Variants in SNX16 observed in about 807,000 individuals in gnomAD.
SNX16 encodes the protein sorting nexin-16.
SNX16 carries 35 observed loss-of-function variants against 36.7 expected under a neutral mutation model. The observed-to-expected ratio is 0.95, with a 90% confidence interval of 0.73 to 1.27. The LOEUF (loss-of-function observed/expected upper bound fraction) is 1.27, where lower values mean the gene tolerates loss of function less well. SNX16 is among the 50% of genes most tolerant of loss of function. The pLI, the probability that SNX16 is intolerant of heterozygous loss-of-function variation, is 0.00. For synonymous variants in SNX16, 134 were observed against 132.0 expected, an observed-to-expected ratio of 1.02 and a Z score of -0.10; for missense variants, 367 against 393.6, an observed-to-expected ratio of 0.93 and a Z score of 0.57.
intron 4 of SNX16, among the ~76,000 whole-genome samples, chr8:81,823,445 A>T (rs1810867263): frequency 6.6e-6 from 1 of 152,108 alleles, no homozygotes; most frequent in Non-Finnish European, 1.5e-5. Context: ...ACAATTACAT[A>T]GTATCATATT....
At chr8:81,806,846 T>G in intron 5 of SNX16, among the ~76,000 whole-genome samples, 1 of 152,082 alleles carries the variant, frequency 6.6e-6, no homozygotes, top group Middle Eastern at 3.4e-3. Context: ...ATAAAACTAG[T>G]AACTTAGAAT....
chr8:81,841,533 A>G (rs1811774026), intron 1 of SNX16, among the ~76,000 whole-genome samples: 1 of 151,680 alleles, frequency 6.6e-6, no homozygotes, highest in Non-Finnish European at 1.5e-5. Context: ...TTGCCACTCT[A>G]CTACCTGAGG....
In SNX16 at chr8:81,840,002, C is replaced by G; in HGVS notation, c.-16G>C. On this transcript the variant is annotated 5_prime_UTR_variant, in exon 2 of 8. Coordinates refer to ENST00000345957, the MANE Select transcript of SNX16 (RefSeq NM_152836.3). ...GAGTTGCCATCTTCTTTTGGCTTTT[C>G]CAACAAGCTTGCACACTGTTGAGTC... 1.3e-6 allele frequency: 2 copies of G among 1,577,578 alleles called. No individual in the cohort carries two copies. The highest frequency in any genetic ancestry group is 1.7e-6 in the Non-Finnish European group (2 of 1,164,010).
chr8:81,806,017 C>G (rs1470779595), intron 5 of SNX16, among the ~76,000 whole-genome samples: 1 of 152,074 alleles, frequency 6.6e-6, no homozygotes, highest in Non-Finnish European at 1.5e-5. Context: ...CCCAAATAAT[C>G]TGAATAAACT....
At chr8:81,834,108 G>C (rs968892278) in intron 2 of SNX16, among the ~76,000 whole-genome samples, 2 of 152,198 alleles carry the variant, frequency 1.3e-5, no homozygotes, top group African/African-American at 4.8e-5. Context: ...TGGACTTACA[G>C]TTCCATGTGG....
chr8:81,808,309 A>C, intron 5 of SNX16: 1 of 1,200,474 alleles, frequency 8.3e-7, no homozygotes, highest in Non-Finnish European at 1.2e-6. Flanking sequence ...AGTTAGGAAG[A>C]CCTGTCAAAG....
chr8:81,801,381 G>A lies in SNX16; in HGVS notation c.*116C>T. ...ACTTCTTTATGTAAACTTTATACAT[G>A]TGCATTCTTGCTCTTTTCTATATGT... On this transcript the variant is annotated 3_prime_UTR_variant, in exon 8 of 8. Coordinates refer to ENST00000345957, the MANE Select transcript of SNX16 (RefSeq NM_152836.3). The A allele has an allele frequency of 1.1e-5, 6 of 526,436 alleles. No individual in the cohort carries two copies. The highest frequency in any genetic ancestry group is 6.1e-5 in the East Asian group (2 of 32,562). The allele number at this position is 526,436 out of a possible 1,614,324, so 32.6% of individuals were successfully genotyped here.
chr8:81,801,880 T>C (rs1393640820), intron 7 of SNX16, among the ~76,000 whole-genome samples: 1 of 151,718 alleles, frequency 6.6e-6, no homozygotes, highest in Non-Finnish European at 1.5e-5. Flanking sequence ...CATAAAATTT[T>C]TCTCAGAATT....
Position 81,801,486 on chromosome 8 carries a change from C to T in SNX16, c.*11G>A, listed in dbSNP as rs944857428. ...TGAATAGTCTAAATGGAGGGAACTGCTTGTGATACATTAGTCTTCTTCAGC... is the reference window on the plus strand; with the variant it reads ...TGAATAGTCTAAATGGAGGGAACTGTTTGTGATACATTAGTCTTCTTCAGC... On this transcript the variant is annotated 3_prime_UTR_variant, in exon 8 of 8. Transcript: ENST00000345957. 4 of 1,525,530 alleles carry T rather than the reference C, an allele frequency of 2.6e-6. No homozygotes were observed. In the Admixed American group the frequency reaches 5.4e-5, roughly 20 times the overall value. The allele number at this position is 1,525,530 out of a possible 1,614,324, so 94.5% of individuals were successfully genotyped here.
intron 5 of SNX16, among the ~76,000 whole-genome samples, chr8:81,809,530 G>A (rs1810125826): frequency 6.6e-6 from 1 of 152,092 alleles, no homozygotes; most frequent in Admixed American, 6.6e-5. Flanking sequence ...GGTGTGTAGG[G>A]AAGAACAAGA....
intron 4 of SNX16, among the ~76,000 whole-genome samples, chr8:81,818,093 C>T (rs888128007): frequency 3.3e-5 from 5 of 151,834 alleles, no homozygotes; most frequent in East Asian, 3.9e-4. Context: ...AGAGTTTTAC[C>T]GTATTTTCAA....
At chr8:81,840,985 ACT>A (rs1811730734) in intron 1 of SNX16, among the ~76,000 whole-genome samples, 1 of 152,090 alleles carries the variant, frequency 6.6e-6, no homozygotes, top group African/African-American at 2.4e-5. Context: ...TTCATACGAA[ACT>A]CTACTGGTGG....
In SNX16 at chr8:81,803,160, C is replaced by T; in HGVS notation, c.750G>A (p.Glu250=). 1.2e-6 allele frequency: 2 copies of T among 1,612,030 alleles called. No homozygotes were observed. The highest frequency in any genetic ancestry group is 1.7e-6 in the Non-Finnish European group (2 of 1,178,812). ...LQKELLEKQK[E]MESLKKLLSE... is the part of the protein sequence containing the mutation. ...TGAGCAGTTTCTTTAGTGATTCCAT[C>T]TCCTTTTGTTTTTCAAGTAGTTCTT... Residue 250 remains glutamate, a synonymous_variant, in exon 6 of 8, where the codon GAG becomes GAA. Transcript: ENST00000345957.
chr8:81,826,408 G>A (rs548969666), intron 3 of SNX16, among the ~76,000 whole-genome samples: 1 of 152,104 alleles, frequency 6.6e-6, no homozygotes, highest in East Asian at 1.9e-4. Flanking sequence ...AAGCAACTGA[G>A]AACAGTAATT....
chr8:81,802,364 A>G lies in SNX16; in HGVS notation c.938+16T>C. 6.3e-7 allele frequency: 1 copy of G among 1,578,976 alleles called. No individual in the cohort carries two copies. The highest frequency in any genetic ancestry group is 8.6e-7 in the Non-Finnish European group (1 of 1,165,930). ...TTATTCAAGAATTAAGCTATCATAAATGAAATATTATATACCTAGATTCTT... is the reference window on the plus strand; with the variant it reads ...TTATTCAAGAATTAAGCTATCATAAGTGAAATATTATATACCTAGATTCTT... On this transcript the variant is annotated intron_variant, in intron 7 of 7. Transcript: ENST00000345957.
intron 3 of SNX16, among the ~76,000 whole-genome samples, chr8:81,828,065 T>C (rs529841354): frequency 8.5e-5 from 13 of 152,310 alleles, no homozygotes; most frequent in African/African-American, 3.1e-4. Context: ...TATATTCTAA[T>C]AATAATTTAC....
At chr8:81,825,169 G>T (rs1338620868) in intron 3 of SNX16, among the ~76,000 whole-genome samples, 1 of 152,144 alleles carries the variant, frequency 6.6e-6, no homozygotes, top group African/African-American at 2.4e-5. Context: ...AGACCATCCA[G>T]GTTCAAGGGG....
rs952658318 is a variant in SNX16 at position 81,832,268 on chromosome 8, A to G, written c.376-2752T>C. 4.4e-4 allele frequency among the ~76,000 whole-genome samples: 67 copies of G among 152,224 alleles called. 1 individual carries two copies. The highest frequency in any genetic ancestry group is 1.6e-3 in the African/African-American group (66 of 41,460). On this transcript the variant is annotated intron_variant, in intron 2 of 7. Transcript: ENST00000345957. The stretch of plus-strand genomic sequence containing the variant: ...ATCAAATCATGTCCTTTGCAGCAAC[A>G]TGTATAGAGGTACAGGCCATTATCC...
At chr8:81,822,273 G>T (rs1401151109) in intron 4 of SNX16, among the ~76,000 whole-genome samples, 1 of 152,076 alleles carries the variant, frequency 6.6e-6, no homozygotes, top group East Asian at 1.9e-4. Flanking sequence ...GGATGGGGTA[G>T]TAGTGTGAAA....
Sources: gnomAD v4.1 joint callset for allele counts (sites outside exome capture counted in the v4.1 genomes callset) on GRCh38, gnomAD v4.1.1 for gene constraint, MANE v1.5 for transcripts, NCBI Gene and HGNC (gene_info 2026-07-23, HGNC 2026-07-21) for gene names.